CCDC146: variants seen among roughly 807,000 people sequenced by gnomAD.
CCDC146 encodes coiled-coil domain containing 146.
CCDC146 carries 92 observed loss-of-function variants against 119.3 expected under a neutral mutation model. The observed-to-expected ratio is 0.77, with a 90% CI of 0.65 to 0.92. CCDC146 has a LOEUF of 0.92. Among genes scored for constraint, CCDC146 ranks in the 40% least tolerant of loss-of-function variants. The pLI is 0.00. For missense variants in CCDC146, 1,000 were observed against 1,103.0 expected (o/e 0.91, Z 1.32); for synonymous variants, 372 against 371.8 (o/e 1.00, Z -0.01).
intron 15 of CCDC146, among the ~76,000 whole-genome samples, chr7:77,284,600 A>C (rs1793817153): frequency 6.6e-6 from 1 of 152,006 alleles, no homozygotes; most frequent in South Asian, 2.1e-4. Context: ...TTCACTGCAA[A>C]TCAATACTTC....
At chr7:77,147,656 G>A (rs577320240) in intron 1 of CCDC146, among the ~76,000 whole-genome samples, 188 of 152,300 alleles carry the variant, frequency 1.2e-3, no homozygotes, top group African/African-American at 4.2e-3. Context: ...CAGGTCTGTT[G>A]GAGTTTGCTG....
chr7:77,225,475 C>T (rs1291854834), intron 2 of CCDC146, among the ~76,000 whole-genome samples: 2 of 151,756 alleles, frequency 1.3e-5, no homozygotes. Context: ...ATCGCTTGAG[C>T]CACAGGAGTT....
chr7:77,256,238 T>A, intron 5 of CCDC146, 95 bp from the exon 6 acceptor site: 1 of 845,920 alleles, frequency 1.2e-6, no homozygotes. Flanking sequence ...ACAAATATAA[T>A]CAAAATGGTG....
intron 3 of CCDC146, among the ~76,000 whole-genome samples, chr7:77,240,330 G>T (rs1792819516): frequency 6.6e-6 from 1 of 152,194 alleles, no homozygotes; most frequent in East Asian, 1.9e-4. Flanking sequence ...CTGCCAGATT[G>T]TAAGATTCTT....
intron 1 of CCDC146, among the ~76,000 whole-genome samples, chr7:77,163,447 C>G (rs1273940798): frequency 7.2e-6 from 1 of 138,264 alleles, no homozygotes; most frequent in Non-Finnish European, 1.6e-5. Context: ...GACTCTGTCT[C>G]AAAAAAAAAA....
rs1027523120 is a variant in CCDC146 at position 77,262,210 on chromosome 7, G to A, written c.1076G>A (p.Arg359Gln). Residue 359 changes from arginine to glutamine, a missense_variant, in exon 9 of 19, where the codon CGA becomes CAA. This residue lies in a region of CCDC146 where 985 missense variants were observed against 1,045.3 expected (regional missense o/e 0.94). Coordinates refer to ENST00000285871, the MANE Select transcript of CCDC146 (RefSeq NM_020879.3). ...ELSRKQREKE[R>Q]DFRNLRKMEL... ...TCTCGTAAGCAAAGAGAGAAAGAACGAGATTTTCGAAATTTAAGAAAGATG... is the reference window on the plus strand; with the variant it reads ...TCTCGTAAGCAAAGAGAGAAAGAACAAGATTTTCGAAATTTAAGAAAGATG... 9 of 1,613,808 alleles carry A rather than the reference G, an allele frequency of 5.6e-6. No individual in the cohort carries two copies. The East Asian group carries it at 1.3e-4, about 24-fold the overall frequency.
chr7:77,289,140 T>C (rs944951397), intron 17 of CCDC146, among the ~76,000 whole-genome samples: 1 of 152,240 alleles, frequency 6.6e-6, no homozygotes, highest in African/African-American at 2.4e-5. Flanking sequence ...CTCATGCACT[T>C]TGCCTGAATT....
intron 11 of CCDC146, among the ~76,000 whole-genome samples, chr7:77,276,843 G>C (rs780507006): frequency 4.7e-4 from 71 of 152,202 alleles, no homozygotes; most frequent in Non-Finnish European, 2.6e-4. Flanking sequence ...GGCCAAGGCG[G>C]GTGGATCACC....
intron 9 of CCDC146, among the ~76,000 whole-genome samples, chr7:77,264,850 A>G (rs1321335480): frequency 1.3e-5 from 2 of 152,170 alleles, no homozygotes; most frequent in East Asian, 3.9e-4. Context: ...TGCATCAGTT[A>G]GTTTTACATT....
intron 4 of CCDC146, among the ~76,000 whole-genome samples, chr7:77,249,195 T>C (rs1343680568): frequency 6.6e-6 from 1 of 152,106 alleles, no homozygotes; most frequent in Non-Finnish European, 1.5e-5. Flanking sequence ...GGTGCAAATA[T>C]ATTAAGAATC....
intron 2 of CCDC146, among the ~76,000 whole-genome samples, chr7:77,190,982 C>A (rs1186504164): frequency 1.3e-5 from 2 of 152,124 alleles, no homozygotes; most frequent in African/African-American, 4.8e-5. Context: ...GCAGGTACAG[C>A]AATATGCCTC....
At chr7:77,199,863 G>A (rs1791954135) in intron 2 of CCDC146, 3 of 1,522,794 alleles carry the variant, frequency 2.0e-6, no homozygotes, top group African/African-American at 2.8e-5. Flanking sequence ...GCAGCTGCCT[G>A]AGTCAGGCTT....
intron 4 of CCDC146, among the ~76,000 whole-genome samples, chr7:77,252,689 T>C (rs981515477): frequency 6.6e-6 from 1 of 152,134 alleles, no homozygotes; most frequent in African/African-American, 2.4e-5. Flanking sequence ...GTGGAAACGG[T>C]ATACAGAATA....
chr7:77,245,824 T>G (rs1299510250), intron 4 of CCDC146, among the ~76,000 whole-genome samples: 1 of 150,772 alleles, frequency 6.6e-6, no homozygotes. Flanking sequence ...TACTCAGGAG[T>G]AGTCACAAGG....
intron 4 of CCDC146, among the ~76,000 whole-genome samples, chr7:77,253,122 A>G (rs760323362): frequency 6.6e-6 from 1 of 152,258 alleles, no homozygotes; most frequent in Non-Finnish European, 1.5e-5. Context: ...TTATGAGTTC[A>G]TGCCACAATT....
At chr7:77,272,604 A>C (rs146535832) in intron 9 of CCDC146, among the ~76,000 whole-genome samples, 32 of 152,288 alleles carry the variant, frequency 2.1e-4, no homozygotes, top group African/African-American at 7.5e-4. Context: ...TTTGGTGTAA[A>C]TAGCCAACTC....
intron 1 of CCDC146, among the ~76,000 whole-genome samples, chr7:77,130,001 A>G (rs1356888283): frequency 6.6e-6 from 1 of 152,082 alleles, no homozygotes; most frequent in Non-Finnish European, 1.5e-5. Flanking sequence ...CCAAAGTACA[A>G]GAGTAGTGAT....
chr7:77,149,456 A>T (rs1372293420), intron 1 of CCDC146, among the ~76,000 whole-genome samples: 1 of 152,176 alleles, frequency 6.6e-6, no homozygotes, highest in Non-Finnish European at 1.5e-5. Context: ...TTGAGGACTT[A>T]TAATACCTAA....
intron 1 of CCDC146, among the ~76,000 whole-genome samples, chr7:77,136,201 G>A (rs1278432639): frequency 6.6e-6 from 1 of 152,136 alleles, no homozygotes; most frequent in Non-Finnish European, 1.5e-5. Context: ...GAAAGATCTA[G>A]AATTGTTTCC....
Sources: allele counts gnomAD v4.1 joint callset (sites outside exome capture counted in the v4.1 genomes callset), GRCh38; gene constraint gnomAD v4.1.1; regional missense constraint gnomAD v4.1.1; transcripts MANE v1.5; gene names NCBI Gene and HGNC (gene_info 2026-07-23, HGNC 2026-07-21).